Variants in LRRC37A3 observed in about 807,000 individuals in gnomAD.
The protein encoded by LRRC37A3 is leucine-rich repeat-containing protein 37A3.
LRRC37A3 carries 25 observed loss-of-function variants against 106.2 expected under a neutral mutation model. The observed-to-expected ratio is 0.24, with a 90% CI of 0.17 to 0.33. The LOEUF is 0.33. Ranked by LOEUF, LRRC37A3 falls within the 10% of genes least tolerant of loss-of-function variation. LRRC37A3 has a pLI of 1.00. For missense variants in LRRC37A3, 712 were observed against 1,644.9 expected (o/e 0.43, Z 9.81); for synonymous variants, 305 against 635.8 (o/e 0.48, Z 7.83).
chr17:64,859,604 A>T lies in LRRC37A3; in HGVS notation c.4542T>A (p.Cys1514Ter). The stretch of plus-strand genomic sequence containing the variant: ...GGCCTGTCCTGGAGACGAGCTTGGC[A>T]CAGGTCACTTGCACATGGGCCCCAG... ...DCSGAHVQVT[C>*]AKLVSRTGHL... Residue 1514 changes from cysteine (C) to a stop codon, truncating the protein, a stop_gained, in exon 12 of 15, where the codon TGT becomes TGA. Coordinates refer to ENST00000584306, the MANE Select transcript of LRRC37A3 (RefSeq NM_199340.5). LOFTEE classifies it high-confidence loss of function. 1 of 1,613,138 alleles carries T rather than the reference A, an allele frequency of 6.2e-7. No homozygotes were observed. Among genetic ancestry groups the T allele is most frequent in the East Asian group, 2.2e-5 (1 of 44,864 alleles).
chr17:64,881,242 C>G, intron 8 of LRRC37A3: 2 of 699,274 alleles, frequency 2.9e-6, no homozygotes, highest in Non-Finnish European at 5.2e-6. Flanking sequence ...CTTTTCTTTT[C>G]TTTTCTTTTC....
intron 10 of LRRC37A3, 71 bp from the exon 11 acceptor site, chr17:64,863,089 A>C: frequency 6.3e-7 from 1 of 1,580,370 alleles, no homozygotes; most frequent in Non-Finnish European, 8.6e-7. Context: ...GAGGCAGCCA[A>C]CACTACCACA....
rs577732356 is a variant in LRRC37A3, at chr17:64,854,544, C to T, written c.*55G>A. ...GCTTCAGTCCTGCTTTTTTGATGGC[C>T]GTTGTTTACGCTATGTATTTTTGCA... On this transcript the variant is annotated 3_prime_UTR_variant, in exon 15 of 15. Transcript: ENST00000584306. 6.1e-5 allele frequency: 98 copies of T among 1,612,832 alleles called. 4 individuals are homozygous for T. The South Asian group carries it at 8.2e-4, about 14-fold the overall frequency.
chr17:64,876,251 T>C (rs1354036898), intron 8 of LRRC37A3, among the ~76,000 whole-genome samples: 3 of 152,230 alleles, frequency 2.0e-5, no homozygotes, highest in Admixed American at 6.5e-5. Context: ...GGCACAATCA[T>C]GGCTCACTGC....
intron 8 of LRRC37A3, among the ~76,000 whole-genome samples, chr17:64,880,661 C>G (rs570077053): frequency 1.3e-5 from 2 of 151,984 alleles, no homozygotes; most frequent in Non-Finnish European, 2.9e-5. Flanking sequence ...ATTAAATATG[C>G]CTTATTAGAT....
chr17:64,910,478 G>A (rs528334711), intron 2 of LRRC37A3, among the ~76,000 whole-genome samples: 52 of 152,330 alleles, frequency 3.4e-4, no homozygotes, highest in African/African-American at 1.2e-3. Flanking sequence ...TACCTGCCGA[G>A]GGCAGAGATG....
chr17:64,898,793 C>A (rs1974210285), intron 2 of LRRC37A3: 1 of 673,682 alleles, frequency 1.5e-6, no homozygotes, highest in African/African-American at 2.4e-5. Flanking sequence ...AAAAAAAATT[C>A]CATAAATAGT....
At chr17:64,874,289 C>T (rs971522389) in intron 8 of LRRC37A3, among the ~76,000 whole-genome samples, 1 of 152,230 alleles carries the variant, frequency 6.6e-6, no homozygotes, top group African/African-American at 2.4e-5. Flanking sequence ...AGCGCCTCTG[C>T]CCGGCCGCGA....
chr17:64,882,161 GA>G (rs1304079381), intron 8 of LRRC37A3, among the ~76,000 whole-genome samples: 1 of 140,272 alleles, frequency 7.1e-6, no homozygotes, highest in Non-Finnish European at 1.5e-5. Context: ...AGAGTTGTTG[GA>G]AAAATGAAAA....
Position 64,896,675 on chromosome 17 carries a change from G to A in LRRC37A3, c.583C>T (p.Leu195=), listed in dbSNP as rs1974126550. The A allele has an allele frequency of 1.3e-6, 2 of 1,594,522 alleles. No homozygotes were observed. Among genetic ancestry groups the A allele is most frequent in the Non-Finnish European group, 1.7e-6 (2 of 1,179,338 alleles). The change falls in exon 4 of 15, where the codon CTG becomes TTG. Residue 195 remains leucine, a synonymous_variant. Coordinates refer to ENST00000584306, the MANE Select transcript of LRRC37A3 (RefSeq NM_199340.5). ...GACTTCACCCGGAGTTCTGGAGGCA[G>A]GCTACCGGGATACGGTGTATCTGTA... ...SSTDTPYPGS[L]PPELRVKSDE...
chr17:64,875,651 T>C (rs1007865739), intron 8 of LRRC37A3, among the ~76,000 whole-genome samples: 21 of 152,132 alleles, frequency 1.4e-4, no homozygotes, highest in African/African-American at 4.8e-4. Flanking sequence ...TAGCTGGGTG[T>C]GGTGTTACGT....
chr17:64,878,020 A>G (rs1236652990), intron 8 of LRRC37A3, among the ~76,000 whole-genome samples: 1 of 152,196 alleles, frequency 6.6e-6, no homozygotes, highest in Non-Finnish European at 1.5e-5. Flanking sequence ...AAATATGTCA[A>G]ATACCTAAAT....
intron 8 of LRRC37A3, among the ~76,000 whole-genome samples, chr17:64,869,507 C>T (rs924643078): frequency 1.7e-4 from 26 of 151,838 alleles, no homozygotes; most frequent in African/African-American, 6.3e-4. Context: ...TTTCTAGCAA[C>T]CTCCATAATT....
intron 8 of LRRC37A3, among the ~76,000 whole-genome samples, chr17:64,872,227 A>T (rs1179025516): frequency 1.3e-5 from 2 of 151,276 alleles, no homozygotes; most frequent in Non-Finnish European, 2.9e-5. Flanking sequence ...AAAAAAAAAA[A>T]AAAATTGACC....
Position 64,855,709 on chromosome 17 carries a change from G to A in LRRC37A3, c.4859+131C>T. On this transcript the variant is annotated intron_variant, in intron 14 of 14. Coordinates refer to ENST00000584306, the MANE Select transcript of LRRC37A3 (RefSeq NM_199340.5). ...CCCAGCTACTCGGGAGGCTGAGGCAGGAGAATCGCTTGAACCTGGGAAGTG... is the reference window on the plus strand; with the variant it reads ...CCCAGCTACTCGGGAGGCTGAGGCAAGAGAATCGCTTGAACCTGGGAAGTG... 3 of 1,438,076 alleles carry A rather than the reference G, an allele frequency of 2.1e-6. No homozygotes were observed. In the South Asian group the frequency reaches 3.6e-5, roughly 17 times the overall value. 89.1% of individuals were successfully genotyped at this position (1,438,076 alleles called of 1,614,324 possible).
chr17:64,899,378 C>CCACTG (rs1422142641), intron 2 of LRRC37A3, among the ~76,000 whole-genome samples: 5 of 147,424 alleles, frequency 3.4e-5, no homozygotes, highest in Non-Finnish European at 7.4e-5. Context: ...TGGGATCATA[C>CCACTG]CACTGCACTC....
chr17:64,899,429 A>G lies in LRRC37A3; in HGVS notation c.-495-970T>C, dbSNP rs1433962841. Among the ~76,000 whole-genome samples, 3 of 143,894 alleles carry G rather than the reference A, an allele frequency of 2.1e-5. 1 individual carries two copies. The highest frequency in any genetic ancestry group is 2.0e-4 in the East Asian group (1 of 4,978). The allele number at this position is 143,894 out of a possible 152,430, so 94.4% of individuals were successfully genotyped here. A position where few individuals can be genotyped will look rare whatever the true frequency, so the allele number is the denominator to read the frequency against. ...AGTGAGACTCCATCTCAAAAAAAAA[A>G]AAAAAAAAAAAGATAAAAATGGTAT... On this transcript the variant is annotated intron_variant, in intron 2 of 14. Transcript: ENST00000584306.
chr17:64,914,329 C>A (rs1046966766), intron 2 of LRRC37A3, among the ~76,000 whole-genome samples: 1 of 152,228 alleles, frequency 6.6e-6, no homozygotes, highest in Admixed American at 6.5e-5. Flanking sequence ...GAGGCCAAGG[C>A]AGATGAATCA....
intron 2 of LRRC37A3, among the ~76,000 whole-genome samples, chr17:64,910,718 C>G (rs1429441031): frequency 7.3e-6 from 1 of 137,254 alleles, no homozygotes; most frequent in Non-Finnish European, 1.5e-5. Context: ...AATCTTGGCT[C>G]CCTGCAACCT....
Sources: gnomAD v4.1 joint callset for allele counts (sites outside exome capture counted in the v4.1 genomes callset) on GRCh38, gnomAD v4.1.1 for gene constraint, MANE v1.5 for transcripts, NCBI Gene and HGNC (gene_info 2026-07-23, HGNC 2026-07-21) for gene names.